MRPS12: variants seen among roughly 807,000 people sequenced by gnomAD.
MRPS12 encodes small ribosomal subunit protein uS12m.
MRPS12 carries 7 observed loss-of-function variants against 8.4 expected under a neutral mutation model. The observed-to-expected ratio is 0.83, with a 90% CI of 0.47 to 1.56. MRPS12 has a LOEUF of 1.56. Ranked by LOEUF, MRPS12 falls within the 40% of genes most tolerant of loss-of-function variation. The pLI is 0.01. For missense variants in MRPS12, 200 were observed against 194.1 expected, an observed-to-expected ratio of 1.03 and a Z score of -0.18; for synonymous variants, 84 against 84.1, an observed-to-expected ratio of 1.00 and a Z score of 0.01.
chr19:38,932,817 C>A lies in MRPS12; in HGVS notation c.*117C>A. The A allele has an allele frequency of 1.4e-6, 2 of 1,389,188 alleles. No individual in the cohort carries two copies. Among genetic ancestry groups the A allele is most frequent in the Non-Finnish European group, 1.9e-6 (2 of 1,030,236 alleles). 86.1% of individuals were successfully genotyped at this position (1,389,188 alleles called of 1,614,324 possible). ...CTCTAGAGGCAGCCACTCATGGATT[C>A]AAGTCCTGGCTCCGCCTCTTCCATC... is the stretch of plus-strand genomic sequence containing the variant. On this transcript the variant is annotated 3_prime_UTR_variant, in exon 3 of 3. Coordinates refer to ENST00000308018, the MANE Select transcript of MRPS12 (RefSeq NM_033362.4).
chr19:38,932,907 G>A lies in MRPS12; in HGVS notation c.*207G>A. ...GGGTGCCCCTCTGTCAACACCCTTG[G>A]CTCCTGTGTTTAGAGGGGTGGCCTG... is the stretch of plus-strand genomic sequence containing the variant. On this transcript the variant is annotated 3_prime_UTR_variant, in exon 3 of 3. Coordinates refer to ENST00000308018, the MANE Select transcript of MRPS12 (RefSeq NM_033362.4). 2 of 687,076 alleles carry A rather than the reference G, an allele frequency of 2.9e-6. No homozygotes were observed. Among genetic ancestry groups the A allele is most frequent in the Non-Finnish European group, 4.7e-6 (2 of 421,886 alleles). 42.6% of individuals were successfully genotyped at this position (687,076 alleles called of 1,614,324 possible).
chr19:38,932,709 G>T lies in MRPS12; in HGVS notation c.*9G>T. 1 of 1,610,598 alleles carries T rather than the reference G, an allele frequency of 6.2e-7. No individual in the cohort carries two copies. Among genetic ancestry groups the T allele is most frequent in the Non-Finnish European group, 8.5e-7 (1 of 1,179,434 alleles). On this transcript the variant is annotated 3_prime_UTR_variant, in exon 3 of 3. Transcript: ENST00000308018. ...ACGTGCAGAAGAAGTGACGGCTGGG[G>T]GCACAGTGGGCTGGGCGCCCCTGCA...
chr19:38,933,024 C>G lies in MRPS12; in HGVS notation c.*324C>G. On this transcript the variant is annotated 3_prime_UTR_variant, in exon 3 of 3. Coordinates refer to ENST00000308018, the MANE Select transcript of MRPS12 (RefSeq NM_033362.4). ...ACCCTGGCGCTTGTGATGTAAATCCCCTTGTGGAGTATTTGCCCTCTGTGT... is the reference window on the plus strand; with the variant it reads ...ACCCTGGCGCTTGTGATGTAAATCCGCTTGTGGAGTATTTGCCCTCTGTGT... 3.4e-6 allele frequency: 1 copy of G among 291,406 alleles called. No individual in the cohort carries two copies. Among genetic ancestry groups the G allele is most frequent in the Non-Finnish European group, 6.5e-6 (1 of 153,254 alleles). 18.1% of individuals were successfully genotyped at this position (291,406 alleles called of 1,614,324 possible).
intron 2 of MRPS12, among the ~76,000 whole-genome samples, 192 bp from the exon 3 acceptor site, chr19:38,932,141 A>G (rs1325217489): frequency 6.6e-6 from 1 of 151,014 alleles, no homozygotes; most frequent in Non-Finnish European, 1.5e-5. Flanking sequence ...GTCTCAAAAA[A>G]AAAAAAGAAA....
At chr19:38,931,440 G>C in intron 2 of MRPS12, 97 bp downstream of exon 2, 1 of 1,263,666 alleles carries the variant, frequency 7.9e-7, no homozygotes, top group Non-Finnish European at 1.1e-6. Flanking sequence ...AGGGAAACGG[G>C]GGTGGAAAAA....
rs563094654 is a variant in MRPS12 at position 38,932,689 on chromosome 19, CAGA to C, written c.412_414del (p.Lys138del). The C allele has an allele frequency of 4.3e-3, 6,901 of 1,612,864 alleles. 20 individuals carry two copies. Among genetic ancestry groups the C allele is most frequent in the Non-Finnish European group, 4.2e-3 (4,995 of 1,179,886 alleles). On this transcript the variant is annotated inframe_deletion, in exon 3 of 3. Coordinates refer to ENST00000308018, the MANE Select transcript of MRPS12 (RefSeq NM_033362.4). ...TGGCAAGTACGACTGTGGCCACGTG[CAGA>C]AGAAGTGACGGCTGGGGGCACAGTG...
chr19:38,931,998 T>G, intron 2 of MRPS12: 1 of 205,004 alleles, frequency 4.9e-6, no homozygotes, highest in Non-Finnish European at 9.7e-6. Context: ...TAGCCGAGCG[T>G]GGTGGTGGGT....
rs1974792051 is a variant in MRPS12, at chr19:38,933,022, C to A, written c.*322C>A. On this transcript the variant is annotated 3_prime_UTR_variant, in exon 3 of 3. Coordinates refer to ENST00000308018, the MANE Select transcript of MRPS12 (RefSeq NM_033362.4). The stretch of plus-strand genomic sequence containing the variant: ...AGACCCTGGCGCTTGTGATGTAAAT[C>A]CCCTTGTGGAGTATTTGCCCTCTGT... 1 of 295,266 alleles carries A rather than the reference C, an allele frequency of 3.4e-6. No homozygotes were observed. Among genetic ancestry groups the A allele is most frequent in the Non-Finnish European group, 6.4e-6 (1 of 155,624 alleles). The allele number at this position is 295,266 out of a possible 1,614,324, so 18.3% of individuals were successfully genotyped here.
In MRPS12 at chr19:38,932,903, C is replaced by G. The variant is rs950785881; in HGVS notation, c.*203C>G. ...CAAAGGGTGCCCCTCTGTCAACACC[C>G]TTGGCTCCTGTGTTTAGAGGGGTGG... On this transcript the variant is annotated 3_prime_UTR_variant, in exon 3 of 3. Coordinates refer to ENST00000308018, the MANE Select transcript of MRPS12 (RefSeq NM_033362.4). 2 of 701,470 alleles carry G rather than the reference C, an allele frequency of 2.9e-6. No individual in the cohort carries two copies. Among genetic ancestry groups the G allele is most frequent in the African/African-American group, 3.6e-5 (2 of 55,526 alleles). The allele number at this position is 701,470 out of a possible 1,614,324, so 43.5% of individuals were successfully genotyped here. A position where few individuals can be genotyped will look rare whatever the true frequency, so the allele number is the denominator to read the frequency against.
In MRPS12 at chr19:38,932,626, A is replaced by T; in HGVS notation, c.343A>T (p.Thr115Ser). The T allele has an allele frequency of 6.2e-7, 1 of 1,613,668 alleles. No homozygotes were observed. Among genetic ancestry groups the T allele is most frequent in the Non-Finnish European group, 8.5e-7 (1 of 1,179,996 alleles). The change falls in exon 3 of 3, where the codon ACC becomes TCC. Residue 115 changes from threonine to serine, a missense_variant. By Grantham distance (58) the Thr-to-Ser change is moderately conservative (BLOSUM62 1). Transcript: ENST00000308018. Reference protein sequence around the residue: ...HQIVLVEGGRTQDLPGVKLTV... With the variant: ...HQIVLVEGGRSQDLPGVKLTV... The stretch of plus-strand genomic sequence containing the variant: ...GATTGTCCTTGTGGAGGGCGGCCGC[A>T]CCCAGGACCTGCCAGGCGTCAAGCT...
At position 38,932,316 on chromosome 19, in the gene MRPS12, CT is replaced by C. The variant is rs756657373; in HGVS notation, c.50-14del. 1.5e-5 allele frequency: 22 copies of C among 1,509,034 alleles called. No individual in the cohort carries two copies. The highest frequency in any genetic ancestry group is 4.5e-5 in the Admixed American group (2 of 44,502). 93.5% of individuals were successfully genotyped at this position (1,509,034 alleles called of 1,614,324 possible). A position where few individuals can be genotyped will look rare whatever the true frequency, so the allele number is the denominator to read the frequency against. On this transcript the variant is annotated splice_polypyrimidine_tract_variant and intron_variant, in intron 2 of 2. Transcript: ENST00000308018. ...GATCTGTTCTCTGGGATAATAACCCCTTTCGGCCCTCTCCAGGCCCAGCTCT... is the reference window on the plus strand; with the variant it reads ...GATCTGTTCTCTGGGATAATAACCCCTTCGGCCCTCTCCAGGCCCAGCTCT...
intron 1 of MRPS12, 75 bp from the exon 2 acceptor site, chr19:38,931,201 C>T (rs1377445622): frequency 8.4e-7 from 1 of 1,183,548 alleles, no homozygotes; most frequent in Non-Finnish European, 1.2e-6. Flanking sequence ...CCAGAAAGTC[C>T]TGAGAGCGGA....
At chr19:38,931,104 G>T in intron 1 of MRPS12, 106 bp downstream of exon 1, 1 of 661,560 alleles carries the variant, frequency 1.5e-6, no homozygotes. Flanking sequence ...AACCCACTCA[G>T]AGCGAGGCTA....
chr19:38,931,992 C>T (rs966296397), intron 2 of MRPS12: 10 of 197,768 alleles, frequency 5.1e-5, no homozygotes, highest in Admixed American at 2.4e-4. Flanking sequence ...GAAGATTAGC[C>T]GAGCGTGGTG....
chr19:38,930,966 C>T lies in MRPS12; in HGVS notation c.-52C>T, dbSNP rs1443599925. The T allele has an allele frequency of 1.6e-6, 1 of 616,986 alleles. No homozygotes were observed. The highest frequency in any genetic ancestry group is 2.9e-6 in the Non-Finnish European group (1 of 350,728). 38.2% of individuals were successfully genotyped at this position (616,986 alleles called of 1,614,324 possible). ...GGAAGAGGCTAGAAGCTGGATTCAG[C>T]GTGTCCGCGACCTCACCTTTAGGTC... On this transcript the variant is annotated 5_prime_UTR_variant, in exon 1 of 3. Transcript: ENST00000308018.
intron 2 of MRPS12, among the ~76,000 whole-genome samples, chr19:38,932,091 G>GAGGTACT (rs1404845776): frequency 6.8e-6 from 1 of 147,394 alleles, no homozygotes; most frequent in Non-Finnish European, 1.5e-5. Flanking sequence ...GGCCAAGATT[G>GAGGTACT]AGGTACTGCA....
chr19:38,931,246 C>T (rs200392524), intron 1 of MRPS12, 30 bp from the exon 2 acceptor site: 210 of 1,537,184 alleles, frequency 1.4e-4, no homozygotes, highest in Non-Finnish European at 1.6e-4. Flanking sequence ...ACTTTTTCCT[C>T]CTTTCTGAGT....
rs1242070455 is a variant in MRPS12, at chr19:38,932,135, CAAAAAAAAAAAAGAA to C, written c.50-184_50-170del. ...TGGGCGACAGAGTGAGACTTTGTCT[CAAAAAAAAAAAAGAA>C]AAAAAAAAAAAAGGTAATGCTTCCT... is the stretch of plus-strand genomic sequence containing the variant. On this transcript the variant is annotated intron_variant, in intron 2 of 2. Transcript: ENST00000308018. 6.5e-3 allele frequency among the ~76,000 whole-genome samples: 385 copies of C among 59,286 alleles called. 1 individual carries two copies. The highest frequency in any genetic ancestry group is 0.018 in the African/African-American group (360 of 20,084). The allele number at this position is 59,286 out of a possible 152,430, so 38.9% of individuals were successfully genotyped here.
In MRPS12 at chr19:38,932,601, G is replaced by A; in HGVS notation, c.318G>A (p.Gln106=). ...PGEGHTLQEH[Q]IVLVEGGRTQ... The stretch of plus-strand genomic sequence containing the variant: ...AGGGCCACACCCTGCAGGAGCACCA[G>A]ATTGTCCTTGTGGAGGGCGGCCGCA... The change falls in exon 3 of 3, where the codon CAG becomes CAA. Residue 106 remains glutamine, a synonymous_variant. Transcript: ENST00000308018. 6.2e-7 allele frequency: 1 copy of A among 1,613,776 alleles called. No individual in the cohort carries two copies. The highest frequency in any genetic ancestry group is 8.5e-7 in the Non-Finnish European group (1 of 1,180,000).
Sources: allele counts gnomAD v4.1 joint callset (sites outside exome capture counted in the v4.1 genomes callset), GRCh38; gene constraint gnomAD v4.1.1; transcripts MANE v1.5; gene names NCBI Gene and HGNC (gene_info 2026-07-23, HGNC 2026-07-21).